The following ADAMTS6 variants were observed in gnomAD, a reference collection of about 807,000 sequenced individuals.
The protein encoded by ADAMTS6 is A disintegrin and metalloproteinase with thrombospondin motifs 6.
Under a neutral mutation model 144.3 loss-of-function variants are expected in ADAMTS6, and 23 were observed. The ratio of observed to expected loss-of-function variants is 0.16; its 90% CI spans 0.11 to 0.23. The LOEUF (loss-of-function observed/expected upper bound fraction) is 0.23, where lower values mean the gene tolerates loss of function less well. Among genes scored for constraint, ADAMTS6 ranks in the 10% least tolerant of loss-of-function variants. ADAMTS6 has a pLI of 1.00. For missense variants in ADAMTS6, 999 were observed against 1,379.6 expected (o/e 0.72, Z 4.37); for synonymous variants, 444 against 457.5 (o/e 0.97, Z 0.38).
At chr5:65,324,440 T>G (rs912098846) in intron 9 of ADAMTS6, among the ~76,000 whole-genome samples, 13 of 152,070 alleles carry the variant, frequency 8.5e-5, no homozygotes, top group African/African-American at 3.1e-4. Flanking sequence ...TCATCAAAAT[T>G]TTAAGTTTCT....
intron 7 of ADAMTS6, among the ~76,000 whole-genome samples, chr5:65,356,941 G>T (rs573834164): frequency 6.6e-6 from 1 of 151,646 alleles, no homozygotes; most frequent in Admixed American, 6.6e-5. Context: ...TTTTTCAGGG[G>T]TAATAATATT....
chr5:65,444,769 A>T (rs930310225), intron 7 of ADAMTS6, among the ~76,000 whole-genome samples: 2 of 145,754 alleles, frequency 1.4e-5, no homozygotes, highest in Non-Finnish European at 3.0e-5. Flanking sequence ...TTATTAAAGG[A>T]TACCACATTT....
chr5:65,463,228 C>T (rs1759756965), intron 3 of ADAMTS6, among the ~76,000 whole-genome samples: 1 of 151,936 alleles, frequency 6.6e-6, no homozygotes, highest in African/African-American at 2.4e-5. Context: ...TGCAACCATC[C>T]TCTCTAATAA....
intron 14 of ADAMTS6, chr5:65,251,420 T>A (rs1760146125): frequency 6.6e-6 from 1 of 152,350 alleles, no homozygotes; most frequent in Admixed American, 6.5e-5. Flanking sequence ...AAAAACTCTA[T>A]TGTAGTTCCT....
intron 7 of ADAMTS6, among the ~76,000 whole-genome samples, chr5:65,397,469 A>C (rs1300826053): frequency 7.2e-6 from 1 of 139,610 alleles, no homozygotes; most frequent in Non-Finnish European, 1.6e-5. Flanking sequence ...CCCTCTATGC[A>C]CTGCTTTTGC....
intron 20 of ADAMTS6, among the ~76,000 whole-genome samples, chr5:65,207,979 CTG>C (rs1756233909): frequency 1.3e-5 from 2 of 152,190 alleles, no homozygotes; most frequent in South Asian, 2.1e-4. Context: ...TGAAGGAAAA[CTG>C]TAAATATATA....
chr5:65,465,394 G>C (rs1310094083), intron 3 of ADAMTS6, among the ~76,000 whole-genome samples: 1 of 152,086 alleles, frequency 6.6e-6, no homozygotes, highest in Non-Finnish European at 1.5e-5. Context: ...CTATTTGTGT[G>C]GAAAATTCTA....
chr5:65,391,425 C>CT (rs1752902894), intron 7 of ADAMTS6, among the ~76,000 whole-genome samples: 2 of 75,272 alleles, frequency 2.7e-5, no homozygotes, highest in African/African-American at 7.8e-5. Flanking sequence ...TCTCTACACA[C>CT]ACACACACAC....
intron 24 of ADAMTS6, among the ~76,000 whole-genome samples, chr5:65,163,949 G>A (rs768253593): frequency 6.3e-4 from 96 of 152,156 alleles, no homozygotes; most frequent in African/African-American, 1.4e-3. Flanking sequence ...AAAAAGTCAC[G>A]ATTGTGGCCG....
At chr5:65,397,077 T>C (rs989203514) in intron 7 of ADAMTS6, among the ~76,000 whole-genome samples, 34 of 152,186 alleles carry the variant, frequency 2.2e-4, no homozygotes, top group African/African-American at 8.2e-4. Context: ...GACTGTGTCT[T>C]TCAAGGAATT....
rs112228741 is a variant in ADAMTS6, at chr5:65,163,856, A to T, written c.3244+6761T>A. On this transcript the variant is annotated intron_variant, in intron 24 of 24. Coordinates refer to ENST00000381055, the MANE Select transcript of ADAMTS6 (RefSeq NM_197941.4). ...ATTCTTGATAATTTCTGTCATAGTG[A>T]CTCGCACGTAGTAGCATTCAAGCAA... Among the ~76,000 whole-genome samples the T allele has an allele frequency of 4.3e-3, 648 of 152,294 alleles. 4 individuals carry two copies. The highest frequency in any genetic ancestry group is 5.6e-3 in the Non-Finnish European group (383 of 68,024).
intron 7 of ADAMTS6, among the ~76,000 whole-genome samples, chr5:65,380,900 G>A (rs1055768026): frequency 3.3e-5 from 5 of 152,038 alleles, no homozygotes; most frequent in Admixed American, 6.6e-5. Flanking sequence ...AATGACTTAT[G>A]ACATATAAAA....
At chr5:65,453,289 T>C (rs924447517) in intron 4 of ADAMTS6, among the ~76,000 whole-genome samples, 1 of 152,194 alleles carries the variant, frequency 6.6e-6, no homozygotes, top group Admixed American at 6.5e-5. Flanking sequence ...GTATGAACTT[T>C]TCAATCAGTC....
intron 15 of ADAMTS6, among the ~76,000 whole-genome samples, chr5:65,233,417 T>C (rs1758410883): frequency 6.6e-6 from 1 of 152,046 alleles, no homozygotes; most frequent in South Asian, 2.1e-4. Context: ...GCTGACAACA[T>C]ATTCTTATAC....
chr5:65,298,390 T>C (rs1743059023), intron 10 of ADAMTS6, among the ~76,000 whole-genome samples: 1 of 152,186 alleles, frequency 6.6e-6, no homozygotes, highest in South Asian at 2.1e-4. Flanking sequence ...ACAGTTTGTC[T>C]TTCTGGTGAT....
At chr5:65,241,446 G>A (rs1047420258) in intron 15 of ADAMTS6, among the ~76,000 whole-genome samples, 1 of 152,024 alleles carries the variant, frequency 6.6e-6, no homozygotes, top group Admixed American at 6.6e-5. Context: ...GGCCAGGCTA[G>A]TCTCGAACTC....
intron 19 of ADAMTS6, 74 bp downstream of exon 19, chr5:65,215,250 A>G: frequency 6.7e-7 from 1 of 1,493,096 alleles, no homozygotes; most frequent in South Asian, 1.3e-5. Context: ...AGCAGAGATA[A>G]TAAAACCTGC....
intron 3 of ADAMTS6, among the ~76,000 whole-genome samples, chr5:65,462,450 A>AT (rs1350867357): frequency 6.6e-6 from 1 of 152,190 alleles, no homozygotes; most frequent in Non-Finnish European, 1.5e-5. Flanking sequence ...CAATCCAGAG[A>AT]TTTTATATGT....
chr5:65,340,969 G>C (rs77174589), intron 7 of ADAMTS6, among the ~76,000 whole-genome samples: 7 of 151,936 alleles, frequency 4.6e-5, no homozygotes, highest in African/African-American at 9.7e-5. Flanking sequence ...TAAAGAGAGA[G>C]ATAGGCTGCA....
Sources: allele counts gnomAD v4.1 joint callset (sites outside exome capture counted in the v4.1 genomes callset), GRCh38; gene constraint gnomAD v4.1.1; transcripts MANE v1.5; gene names NCBI Gene and HGNC (gene_info 2026-07-23, HGNC 2026-07-21).